Variants in ESYT3 observed in about 807,000 individuals in gnomAD.
ESYT3 encodes the protein extended synaptotagmin-3.
A neutral mutation model predicts 111.5 loss-of-function variants in ESYT3; 101 were observed. The ratio of observed to expected loss-of-function variants is 0.91; its 90% CI spans 0.77 to 1.07. The LOEUF is 1.07. ESYT3 is among the 50% of genes least tolerant of loss of function. The pLI is 0.00. For missense variants in ESYT3, 1,097 were observed against 1,109.4 expected, an observed-to-expected ratio of 0.99 and a Z score of 0.16; for synonymous variants, 416 against 446.8, an observed-to-expected ratio of 0.93 and a Z score of 0.87.
chr3:138,471,162 T>C (rs2033200717), intron 17 of ESYT3, 136 bp downstream of exon 17: 1 of 694,364 alleles, frequency 1.4e-6, no homozygotes, highest in Admixed American at 2.5e-5. Flanking sequence ...TCATCAATTT[T>C]GAAATACTGA....
At chr3:138,470,413 C>A in intron 16 of ESYT3, 1 of 1,178,844 alleles carries the variant, frequency 8.5e-7, no homozygotes, top group Non-Finnish European at 1.1e-6. Flanking sequence ...ACACAGTACC[C>A]AGAGCAGCCT....
chr3:138,442,481 C>T (rs1246414645), intron 1 of ESYT3, among the ~76,000 whole-genome samples: 1 of 152,078 alleles, frequency 6.6e-6, no homozygotes. Flanking sequence ...GGTGGTTCCT[C>T]TGTCCGCAGT....
chr3:138,476,350 T>C lies in ESYT3; in HGVS notation c.2574+22T>C, dbSNP rs768287848. On this transcript the variant is annotated intron_variant, in intron 21 of 22. Coordinates refer to ENST00000389567, the MANE Select transcript of ESYT3 (RefSeq NM_031913.5). ...AAAAGTAAGTACAAGAGATATTTGA[T>C]ATACCAAGGAGATTATGATCAATTC... 3 of 1,602,874 alleles carry C rather than the reference T, an allele frequency of 1.9e-6. No individual in the cohort carries two copies. The South Asian group carries it at 3.3e-5, about 18-fold the overall frequency.
chr3:138,466,458 TTTATC>T (rs1217396201), intron 10 of ESYT3, among the ~76,000 whole-genome samples: 2 of 152,248 alleles, frequency 1.3e-5, no homozygotes, highest in Non-Finnish European at 2.9e-5. Flanking sequence ...ATTTTTTATT[TTTATC>T]TTAATGAAAA....
intron 2 of ESYT3, among the ~76,000 whole-genome samples, chr3:138,454,647 C>T (rs1254777209): frequency 6.6e-6 from 1 of 152,230 alleles, no homozygotes; most frequent in Non-Finnish European, 1.5e-5. Flanking sequence ...TGATTTCCAC[C>T]ATCCTCCCCT....
At chr3:138,462,313 A>G in intron 8 of ESYT3, 107 bp downstream of exon 8, 1 of 1,486,196 alleles carries the variant, frequency 6.7e-7, no homozygotes, top group Non-Finnish European at 9.2e-7. Context: ...AATGCTTGAC[A>G]GTCCCAGAAA....
rs1374937937 is a variant in ESYT3, at chr3:138,452,092, A to T, written c.369+3A>T. On this transcript the variant is annotated splice_donor_region_variant and intron_variant, in intron 2 of 22. Transcript: ENST00000389567. ...AGCGGGTCGAGTGGGCCAACAAGGTAAGGCCGCTGGCAGGGCCTAGCAGGG... is the reference window on the plus strand; with the variant it reads ...AGCGGGTCGAGTGGGCCAACAAGGTTAGGCCGCTGGCAGGGCCTAGCAGGG... The T allele has an allele frequency of 6.2e-7, 1 of 1,607,586 alleles. No homozygotes were observed. Among genetic ancestry groups the T allele is most frequent in the Non-Finnish European group, 8.5e-7 (1 of 1,179,750 alleles).
intron 18 of ESYT3, chr3:138,473,312 A>G: frequency 3.1e-6 from 2 of 640,628 alleles, no homozygotes; most frequent in Non-Finnish European, 4.8e-6. Flanking sequence ...CATGATACAA[A>G]GGCAGATTCC....
intron 8 of ESYT3, among the ~76,000 whole-genome samples, chr3:138,463,125 T>C (rs1219514894): frequency 6.6e-6 from 1 of 152,062 alleles, no homozygotes; most frequent in Non-Finnish European, 1.5e-5. Context: ...CGGGGAGTCT[T>C]GCTCTGTGGC....
At chr3:138,463,098 G>A (rs187897681) in intron 8 of ESYT3, among the ~76,000 whole-genome samples, 5 of 152,116 alleles carry the variant, frequency 3.3e-5, no homozygotes, top group Non-Finnish European at 7.4e-5. Flanking sequence ...GGCGGTGGGT[G>A]TGAAGGGAGG....
chr3:138,464,550 C>G, intron 9 of ESYT3, 35 bp downstream of exon 9: 1 of 1,610,722 alleles, frequency 6.2e-7, no homozygotes, highest in Non-Finnish European at 8.5e-7. Flanking sequence ...AGCCTTCACT[C>G]TGAGTCATGC....
intron 7 of ESYT3, 74 bp downstream of exon 7, chr3:138,460,740 G>C: frequency 6.8e-7 from 1 of 1,473,094 alleles, no homozygotes; most frequent in Non-Finnish European, 9.5e-7. Flanking sequence ...AGTGACAGGA[G>C]CTGTGCAATG....
Position 138,472,742 on chromosome 3 carries a change from T to C in ESYT3, c.2120T>C (p.Met707Thr), listed in dbSNP as rs2033290844. 6.2e-7 allele frequency: 1 copy of C among 1,614,034 alleles called. No homozygotes were observed. Among genetic ancestry groups the C allele is most frequent in the Non-Finnish European group, 8.5e-7 (1 of 1,180,024 alleles). ...GGGCCCATCAAGTCACCCAGACCCA[T>C]GAAATGCCCTGCCTCCCCATTCGCA... ...SPGPIKSPRP[M>T]KCPASPFAWP... Residue 707 changes from methionine (M) to threonine (T), a missense_variant, in exon 18 of 23, where the codon ATG becomes ACG. Coordinates refer to ENST00000389567, the MANE Select transcript of ESYT3 (RefSeq NM_031913.5).
In ESYT3 at chr3:138,474,462, C is replaced by A. The variant is rs1047198632; in HGVS notation, c.2468+110C>A. 8.1e-6 allele frequency: 10 copies of A among 1,241,110 alleles called. No homozygotes were observed. In the East Asian group the frequency reaches 1.5e-4, roughly 18 times the overall value. The allele number at this position is 1,241,110 out of a possible 1,614,324, so 76.9% of individuals were successfully genotyped here. On this transcript the variant is annotated intron_variant, in intron 20 of 22. Coordinates refer to ENST00000389567, the MANE Select transcript of ESYT3 (RefSeq NM_031913.5). ...GATGCTGGAAGGGGCTATGGCTGAACAAGACAACATAGTCTATGACTTCAT... is the reference window on the plus strand; with the variant it reads ...GATGCTGGAAGGGGCTATGGCTGAAAAAGACAACATAGTCTATGACTTCAT...
rs931531351 is a variant in ESYT3, at chr3:138,434,783, A to T, written c.-16A>T. The T allele has an allele frequency of 1.7e-5, 26 of 1,532,784 alleles. No homozygotes were observed. Among genetic ancestry groups the T allele is most frequent in the Non-Finnish European group, 2.3e-5 (26 of 1,145,984 alleles). The allele number at this position is 1,532,784 out of a possible 1,614,324, so 94.9% of individuals were successfully genotyped here. A position where few individuals can be genotyped will look rare whatever the true frequency, so the allele number is the denominator to read the frequency against. ...TCGGGTGAAGCTCTCGGGAAGGGCAAGACTGCGGCGACGAGATGCGAGCAG... is the reference window on the plus strand; with the variant it reads ...TCGGGTGAAGCTCTCGGGAAGGGCATGACTGCGGCGACGAGATGCGAGCAG... On this transcript the variant is annotated 5_prime_UTR_variant, in exon 1 of 23. In the 5' UTR this introduces an upstream ATG that the reference lacks. Transcript: ENST00000389567.
chr3:138,463,189 G>A (rs2032744179), intron 8 of ESYT3, among the ~76,000 whole-genome samples: 1 of 151,946 alleles, frequency 6.6e-6, no homozygotes, highest in Non-Finnish European at 1.5e-5. Flanking sequence ...CTGTCTCCTA[G>A]GTTCAAGTGA....
intron 7 of ESYT3, 136 bp downstream of exon 7, chr3:138,460,802 T>C (rs756530782): frequency 2.0e-6 from 2 of 1,013,476 alleles, no homozygotes; most frequent in Non-Finnish European, 3.1e-6. Context: ...ATTGGTCTGT[T>C]TGGAGTGGGA....
Position 138,446,426 on chromosome 3 carries a change from G to T in ESYT3, c.328-5622G>T, listed in dbSNP as rs76683908. ...AAATGGGGCAAATAAGGGATTAGGTGAGTATTAAATGACATGAGATGACAT... is the reference window on the plus strand; with the variant it reads ...AAATGGGGCAAATAAGGGATTAGGTTAGTATTAAATGACATGAGATGACAT... On this transcript the variant is annotated intron_variant, in intron 1 of 22. Coordinates refer to ENST00000389567, the MANE Select transcript of ESYT3 (RefSeq NM_031913.5). Among the ~76,000 whole-genome samples the T allele has an allele frequency of 8.4e-3, 1,279 of 152,302 alleles. 18 individuals carry two copies. The highest frequency in any genetic ancestry group is 0.028 in the African/African-American group (1,154 of 41,550).
chr3:138,457,770 C>A, intron 4 of ESYT3, 126 bp downstream of exon 4: 2 of 878,452 alleles, frequency 2.3e-6, no homozygotes, highest in Admixed American at 2.0e-5. Flanking sequence ...AGGACCCTCC[C>A]CTCCTCCCAG....
Sources: allele counts gnomAD v4.1 joint callset (sites outside exome capture counted in the v4.1 genomes callset), GRCh38; gene constraint gnomAD v4.1.1; transcripts MANE v1.5; gene names NCBI Gene and HGNC (gene_info 2026-07-23, HGNC 2026-07-21).